Variants in MACROD1 observed in about 807,000 individuals in gnomAD.
MACROD1 encodes the protein ADP-ribose glycohydrolase MACROD1.
In MACROD1, 31 loss-of-function variants were observed where a neutral mutation model predicts 41.4. The ratio of observed to expected loss-of-function variants is 0.75; its 90% CI spans 0.56 to 1.01. The LOEUF is 1.01. MACROD1 is among the 50% of genes least tolerant of loss of function. The pLI is 0.00. For missense variants in MACROD1, 473 were observed against 460.0 expected, an observed-to-expected ratio of 1.03 and a Z score of -0.26; for synonymous variants, 252 against 203.4, an observed-to-expected ratio of 1.24 and a Z score of -2.03.
chr11:64,143,798 AC>A (rs1565257718), intron 3 of MACROD1, among the ~76,000 whole-genome samples: 9 of 146,658 alleles, frequency 6.1e-5, no homozygotes, highest in South Asian at 2.2e-4. Context: ...ACACACACAC[AC>A]ACAATTTCCT....
At chr11:64,097,637 C>T (rs538672144) in intron 3 of MACROD1, among the ~76,000 whole-genome samples, 19 of 152,368 alleles carry the variant, frequency 1.2e-4, no homozygotes, top group East Asian at 5.8e-4. Context: ...ATTAGCAGAG[C>T]GGAGGCTGGG....
At chr11:64,070,153 G>T (rs1944079844) in intron 3 of MACROD1, among the ~76,000 whole-genome samples, 1 of 152,188 alleles carries the variant, frequency 6.6e-6, no homozygotes, top group African/African-American at 2.4e-5. Flanking sequence ...GGCCCGGAGA[G>T]ACCAGGTCGT....
chr11:64,101,547 T>C lies in MACROD1; in HGVS notation c.517+49692A>G, dbSNP rs1696040839. 2.0e-5 allele frequency among the ~76,000 whole-genome samples: 3 copies of C among 152,144 alleles called. No individual in the cohort carries two copies. In the South Asian group the frequency reaches 6.2e-4, roughly 31 times the overall value. On this transcript the variant is annotated intron_variant, in intron 3 of 10. Transcript: ENST00000255681. ...TGCCCCTGCCCCACCCCCATCGGTATAAAACAATTTCTGCGCCCCGGCCAG... is the reference window on the plus strand; with the variant it reads ...TGCCCCTGCCCCACCCCCATCGGTACAAAACAATTTCTGCGCCCCGGCCAG...
chr11:64,126,962 T>G (rs1385492066), intron 3 of MACROD1: 1 of 152,240 alleles, frequency 6.6e-6, no homozygotes, highest in African/African-American at 2.4e-5. Context: ...CCTGCTGCCA[T>G]GCGACCAGAT....
intron 3 of MACROD1, among the ~76,000 whole-genome samples, chr11:64,139,124 C>T (rs1252569776): frequency 3.3e-5 from 5 of 152,078 alleles, no homozygotes; most frequent in South Asian, 2.1e-4. Context: ...TGGAGGAAGC[C>T]GCCAGTGACC....
At chr11:64,138,832 ATC>A (rs1171689363) in intron 3 of MACROD1, among the ~76,000 whole-genome samples, 1 of 151,738 alleles carries the variant, frequency 6.6e-6, no homozygotes, top group Non-Finnish European at 1.5e-5. Flanking sequence ...CGGTGGCACC[ATC>A]TCAGCTCACT....
rs941733255 is a variant in MACROD1, at chr11:64,128,082, G to A, written c.517+23157C>T. Among the ~76,000 whole-genome samples the A allele has an allele frequency of 4.6e-5, 7 of 152,258 alleles. No individual in the cohort carries two copies. The East Asian group carries it at 5.8e-4, about 13-fold the overall frequency. On this transcript the variant is annotated intron_variant, in intron 3 of 10. Coordinates refer to ENST00000255681, the MANE Select transcript of MACROD1 (RefSeq NM_014067.4). ...GGCCGGTGGCCCTGAGTGGGGTGAC[G>A]TGGGCCCCACAGGTGCTCTCTGCCC...
intron 3 of MACROD1, among the ~76,000 whole-genome samples, chr11:64,068,126 G>T (rs1262317869): frequency 6.6e-6 from 1 of 152,230 alleles, no homozygotes; most frequent in Non-Finnish European, 1.5e-5. Context: ...GAATCAAAAT[G>T]TAAATTAATG....
At chr11:64,021,448 C>T (rs1182055285) in intron 3 of MACROD1, among the ~76,000 whole-genome samples, 2 of 152,170 alleles carry the variant, frequency 1.3e-5, no homozygotes, top group African/African-American at 4.8e-5. Context: ...GTGTGGGGGC[C>T]GGGACATCAG....
intron 3 of MACROD1, among the ~76,000 whole-genome samples, chr11:64,028,697 G>C (rs1337109310): frequency 1.1e-3 from 132 of 124,612 alleles, no homozygotes; most frequent in African/African-American, 3.5e-3. Context: ...CCCTCCTCCC[G>C]CAGCTCCTCC....
At chr11:64,163,988 C>G (rs552273660) in intron 1 of MACROD1, among the ~76,000 whole-genome samples, 1 of 152,302 alleles carries the variant, frequency 6.6e-6, no homozygotes, top group South Asian at 2.1e-4. Flanking sequence ...CTCAGGCCAC[C>G]ACCCCTGAGA....
chr11:64,088,166 G>A (rs942336994), intron 3 of MACROD1, among the ~76,000 whole-genome samples: 5 of 152,194 alleles, frequency 3.3e-5, no homozygotes, highest in Admixed American at 6.5e-5. Context: ...GTTGAACCCC[G>A]CAGGGACCCA....
At chr11:64,128,234 CCT>C (rs1164520079) in intron 3 of MACROD1, among the ~76,000 whole-genome samples, 2 of 152,194 alleles carry the variant, frequency 1.3e-5, no homozygotes, top group Admixed American at 1.3e-4. Context: ...CCAACTTCTC[CCT>C]GAGACCCAGC....
chr11:64,005,028 T>TTATTTATTTATTTATTTATTTATG, intron 4 of MACROD1, among the ~76,000 whole-genome samples: 1 of 151,484 alleles, frequency 6.6e-6, no homozygotes, highest in Non-Finnish European at 1.5e-5. Context: ...TCCACTTTAT[T>TTATTTATTTATTTATTTATTTATG]TATTTATTTA....
intron 3 of MACROD1, chr11:64,081,765 C>T (rs1372689927): frequency 1.3e-5 from 2 of 152,136 alleles, no homozygotes; most frequent in Admixed American, 6.6e-5. Context: ...GGTCCAGAGC[C>T]GAGCCTGACA....
chr11:64,104,828 C>T (rs777156449), intron 3 of MACROD1, among the ~76,000 whole-genome samples: 61 of 152,158 alleles, frequency 4.0e-4, no homozygotes, highest in Non-Finnish European at 7.6e-4. Flanking sequence ...ACACAACAGG[C>T]GGTGAGTCCT....
chr11:64,154,845 T>A (rs1315801525), intron 1 of MACROD1, among the ~76,000 whole-genome samples: 2 of 152,128 alleles, frequency 1.3e-5, no homozygotes, highest in African/African-American at 4.8e-5. Context: ...TCAGCCTCCC[T>A]AGTAGCTGGG....
chr11:64,048,770 G>T (rs1943634616), intron 3 of MACROD1, among the ~76,000 whole-genome samples: 1 of 152,192 alleles, frequency 6.6e-6, no homozygotes. Flanking sequence ...TCTAAGGGCG[G>T]AGCTGGATCC....
At chr11:64,152,487 C>G in intron 1 of MACROD1, 94 bp from the exon 2 acceptor site, 1 of 957,856 alleles carries the variant, frequency 1.0e-6, no homozygotes, top group Non-Finnish European at 1.7e-6. Context: ...TCCAAGAATG[C>G]AAACCAGCTC....
Sources: allele counts gnomAD v4.1 joint callset (sites outside exome capture counted in the v4.1 genomes callset), GRCh38; gene constraint gnomAD v4.1.1; transcripts MANE v1.5; gene names NCBI Gene and HGNC (gene_info 2026-07-23, HGNC 2026-07-21).